Variants in DGKI observed in about 807,000 individuals in gnomAD.
DGKI encodes DAG kinase iota.
In DGKI, 55 loss-of-function variants were observed where a neutral mutation model predicts 147.5. The ratio of observed to expected loss-of-function variants is 0.37; its 90% confidence interval spans 0.30 to 0.47. The LOEUF (loss-of-function observed/expected upper bound fraction) is 0.47, where lower values mean the gene tolerates loss of function less well. Ranked by LOEUF, DGKI falls within the 20% of genes least tolerant of loss-of-function variation. The pLI, the probability that DGKI is intolerant of heterozygous loss-of-function variation, is 1.00. For synonymous variants in DGKI, 469 were observed against 477.1 expected, an observed-to-expected ratio of 0.98 and a Z score of 0.22; for missense variants, 1,007 against 1,323.8, an observed-to-expected ratio of 0.76 and a Z score of 3.71.
intron 28 of DGKI, among the ~76,000 whole-genome samples, chr7:137,424,261 G>A (rs1027292307): frequency 1.3e-5 from 2 of 152,094 alleles, no homozygotes; most frequent in African/African-American, 4.8e-5. Context: ...AAATAGAATA[G>A]GCTTCAGTGT....
chr7:137,577,206 C>T lies in DGKI; in HGVS notation c.1761+16G>A, dbSNP rs370025536. The stretch of plus-strand genomic sequence containing the variant: ...ATCATATTCAAATTAAATAAATCAA[C>T]ATATTCAATACTTACAACAACTTTA... On this transcript the variant is annotated intron_variant, in intron 17 of 32. Coordinates refer to ENST00000614521, the MANE Select transcript of DGKI (RefSeq NM_001321708.2). 20 of 1,550,218 alleles carry T rather than the reference C, an allele frequency of 1.3e-5. No individual in the cohort carries two copies. Among genetic ancestry groups the T allele is most frequent in the African/African-American group, 8.2e-5 (6 of 73,568 alleles).
At chr7:137,786,188 G>A (rs1399708563) in intron 1 of DGKI, among the ~76,000 whole-genome samples, 1 of 152,134 alleles carries the variant, frequency 6.6e-6, no homozygotes, top group Non-Finnish European at 1.5e-5. Context: ...AACTGTTGCT[G>A]TGTGCTGATG....
At chr7:137,570,035 T>C (rs1329501506) in intron 19 of DGKI, among the ~76,000 whole-genome samples, 1 of 152,124 alleles carries the variant, frequency 6.6e-6, no homozygotes. Flanking sequence ...ACTTCACTAA[T>C]TTGAGGTAGA....
At chr7:137,777,416 A>G (rs996883708) in intron 1 of DGKI, among the ~76,000 whole-genome samples, 1 of 152,144 alleles carries the variant, frequency 6.6e-6, no homozygotes, top group Non-Finnish European at 1.5e-5. Flanking sequence ...GAAACAAAGA[A>G]AGGTTGACAT....
intron 1 of DGKI, among the ~76,000 whole-genome samples, chr7:137,735,643 A>T (rs3800642): frequency 1.3e-4 from 19 of 151,976 alleles, no homozygotes; most frequent in African/African-American, 4.4e-4. Context: ...CTTGGGATTC[A>T]GAAGTGCCAG....
At chr7:137,397,903 T>C (rs1372030275) in intron 30 of DGKI, among the ~76,000 whole-genome samples, 1 of 152,214 alleles carries the variant, frequency 6.6e-6, no homozygotes, top group Non-Finnish European at 1.5e-5. Flanking sequence ...AGAAATACTA[T>C]GCATATACAT....
chr7:137,571,463 G>T (rs1477624198), intron 18 of DGKI, among the ~76,000 whole-genome samples, 177 bp from the exon 19 acceptor site: 1 of 152,226 alleles, frequency 6.6e-6, no homozygotes, highest in Non-Finnish European at 1.5e-5. Context: ...AAAATACCAA[G>T]CTGTGAAAAC....
chr7:137,510,656 A>C (rs1816549756), intron 21 of DGKI, among the ~76,000 whole-genome samples: 1 of 152,206 alleles, frequency 6.6e-6, no homozygotes, highest in African/African-American at 2.4e-5. Context: ...CTCTTTCACA[A>C]TTTCTACATC....
chr7:137,502,441 T>C (rs1011734773), intron 21 of DGKI, among the ~76,000 whole-genome samples: 1 of 150,074 alleles, frequency 6.7e-6, no homozygotes. Flanking sequence ...TGGATGAACA[T>C]GAAAATGATA....
chr7:137,535,698 T>C (rs1350691963), intron 20 of DGKI, among the ~76,000 whole-genome samples: 1 of 152,110 alleles, frequency 6.6e-6, no homozygotes, highest in Non-Finnish European at 1.5e-5. Flanking sequence ...AGGACATAAA[T>C]AATTCACCTC....
At chr7:137,516,490 G>A (rs1040445297) in intron 21 of DGKI, among the ~76,000 whole-genome samples, 2 of 151,718 alleles carry the variant, frequency 1.3e-5, no homozygotes, top group Non-Finnish European at 2.9e-5. Context: ...TTTAAATGAC[G>A]TTTGCTAGAA....
intron 20 of DGKI, among the ~76,000 whole-genome samples, chr7:137,523,914 A>T (rs1456346847): frequency 6.8e-6 from 1 of 146,808 alleles, no homozygotes; most frequent in Non-Finnish European, 1.5e-5. Context: ...GCAGTGCTAA[A>T]CGCAAAGCCT....
At chr7:137,537,354 G>A (rs7778800) in intron 20 of DGKI, among the ~76,000 whole-genome samples, 4,248 of 152,198 alleles carry the variant, frequency 0.028, 90 homozygotes, top group South Asian at 0.072. Flanking sequence ...TAAATTCTAC[G>A]AATGTAGCAA....
intron 1 of DGKI, among the ~76,000 whole-genome samples, chr7:137,784,314 T>A (rs1796603418): frequency 6.6e-6 from 1 of 152,104 alleles, no homozygotes; most frequent in African/African-American, 2.4e-5. Context: ...AATCCAGCAG[T>A]AGTAGCAATT....
chr7:137,497,925 A>T (rs1457437994), intron 21 of DGKI, among the ~76,000 whole-genome samples: 1 of 152,162 alleles, frequency 6.6e-6, no homozygotes, highest in Non-Finnish European at 1.5e-5. Context: ...TTACCTGTAT[A>T]ATAAACCTGC....
At chr7:137,447,726 G>A (rs956105599) in intron 27 of DGKI, among the ~76,000 whole-genome samples, 1 of 152,214 alleles carries the variant, frequency 6.6e-6, no homozygotes, top group Non-Finnish European at 1.5e-5. Context: ...TGAAGTACTT[G>A]CAATTTACCT....
intron 23 of DGKI, among the ~76,000 whole-genome samples, chr7:137,475,046 A>C (rs576385034): frequency 5.3e-5 from 8 of 152,326 alleles, no homozygotes; most frequent in Admixed American, 5.2e-4. Flanking sequence ...ATTATATCTC[A>C]TGTTAGGCAG....
At chr7:137,432,563 C>T (rs189792747) in intron 28 of DGKI, among the ~76,000 whole-genome samples, 178 of 152,120 alleles carry the variant, frequency 1.2e-3, no homozygotes, top group African/African-American at 4.2e-3. Context: ...TCACAATAAG[C>T]CTATTAGATA....
At chr7:137,639,047 A>G (rs1342203239) in intron 6 of DGKI, among the ~76,000 whole-genome samples, 2 of 152,214 alleles carry the variant, frequency 1.3e-5, no homozygotes, top group African/African-American at 4.8e-5. Context: ...TAGGAGAAGA[A>G]CACAAAGATT....
Sources: gnomAD v4.1 joint callset for allele counts (sites outside exome capture counted in the v4.1 genomes callset) on GRCh38, gnomAD v4.1.1 for gene constraint, MANE v1.5 for transcripts, NCBI Gene and HGNC (gene_info 2026-07-23, HGNC 2026-07-21) for gene names.